FAM199X: variants seen among roughly 807,000 people sequenced by gnomAD.
FAM199X encodes protein FAM199X.
Under a neutral mutation model 22.9 loss-of-function variants are expected in FAM199X, and 4 were observed. The ratio of observed to expected loss-of-function variants is 0.17; its 90% confidence interval spans 0.09 to 0.40. FAM199X has a LOEUF of 0.40. Ranked by LOEUF, FAM199X falls within the 10% of genes least tolerant of loss-of-function variation. FAM199X has a pLI of 1.00. For missense variants in FAM199X, 183 were observed against 306.8 expected (o/e 0.60, Z 3.01); for synonymous variants, 101 against 112.3 (o/e 0.90, Z 0.64).
chrX:104,189,879 G>T lies in FAM199X; in HGVS notation c.*101G>T. 1 of 825,331 alleles carries T rather than the reference G, an allele frequency of 1.2e-6. No homozygotes were observed. Among genetic ancestry groups the T allele is most frequent in the Non-Finnish European group, 1.7e-6 (1 of 582,038 alleles). The allele number at this position is 825,331 out of a possible 1,213,427, so 68.0% of individuals were successfully genotyped here. A position where few individuals can be genotyped will look rare whatever the true frequency, so the allele number is the denominator to read the frequency against. On this transcript the variant is annotated 3_prime_UTR_variant, in exon 6 of 6. Transcript: ENST00000493442. ...AAATTTTGGTTAGGGCTGTGCTGATGTACCATTAATAATTTAAGCCAGTGG... is the reference window on the plus strand; with the variant it reads ...AAATTTTGGTTAGGGCTGTGCTGATTTACCATTAATAATTTAAGCCAGTGG...
chrX:104,169,530 C>T (rs782264467), intron 1 of FAM199X, among the ~76,000 whole-genome samples: 2 of 111,761 alleles, frequency 1.8e-5, no homozygotes, highest in Non-Finnish European at 3.8e-5. Flanking sequence ...ACAGTCACAG[C>T]ACTAACAGTC....
chrX:104,182,538 A>G (rs1186215236), intron 2 of FAM199X, among the ~76,000 whole-genome samples: 1 of 111,268 alleles, frequency 9.0e-6, no homozygotes, highest in Non-Finnish European at 1.9e-5. Context: ...TGAGCTTTCA[A>G]ATCCCTAGCA....
intron 1 of FAM199X, among the ~76,000 whole-genome samples, chrX:104,172,635 A>G (rs1453900306): frequency 2.7e-5 from 3 of 110,728 alleles, no homozygotes; most frequent in African/African-American, 9.9e-5. Flanking sequence ...AGAGCACAAA[A>G]TGAAGCAAAT....
chrX:104,176,576 T>C (rs1437129129), intron 2 of FAM199X, among the ~76,000 whole-genome samples: 3 of 112,552 alleles, frequency 2.7e-5, no homozygotes, highest in Non-Finnish European at 5.6e-5. Context: ...AAAAGAGGGA[T>C]TGAATATTAT....
chrX:104,165,428 T>A (rs1556373516), upstream of FAM199X, among the ~76,000 whole-genome samples: 1 of 111,998 alleles, frequency 8.9e-6, no homozygotes, highest in Non-Finnish European at 1.9e-5. Context: ...TCTTTCATTT[T>A]TCCCCTCCTT....
At chrX:104,171,091 A>G (rs782558458) in intron 1 of FAM199X, among the ~76,000 whole-genome samples, 44 of 111,229 alleles carry the variant, frequency 4.0e-4, no homozygotes, top group Non-Finnish European at 6.6e-4. Flanking sequence ...TATCTTCAGA[A>G]GTGGCAGTCA....
At chrX:104,170,951 CAG>C (rs1281689316) in intron 1 of FAM199X, among the ~76,000 whole-genome samples, 1 of 111,415 alleles carries the variant, frequency 9.0e-6, no homozygotes, top group African/African-American at 3.3e-5. Flanking sequence ...GGGATTCTGG[CAG>C]AGAGTCAGTG....
chrX:104,162,727 A>G (rs899682566), upstream of FAM199X, among the ~76,000 whole-genome samples: 4 of 112,205 alleles, frequency 3.6e-5, no homozygotes, highest in Non-Finnish European at 7.5e-5. Context: ...TCCACGTACA[A>G]AAAGAATGGA....
Position 104,188,242 on chromosome X carries a change from TGAGTC to T in FAM199X, c.936_940del (p.Arg313ThrfsTer3). The T allele has an allele frequency of 8.2e-7, 1 of 1,212,172 alleles. No individual in the cohort carries two copies. The highest frequency in any genetic ancestry group is 1.1e-6 in the Non-Finnish European group (1 of 895,577). On this transcript the variant is annotated frameshift_variant, in exon 5 of 6. Coordinates refer to ENST00000493442, the MANE Select transcript of FAM199X (RefSeq NM_207318.4). LOFTEE classifies it high-confidence loss of function. ...TCTGCTTCAAACTCCAGTGCCAACA[TGAGTC>T]GAGCACACAGTGACAGCAACCTGTC...
At position 104,194,019 on chromosome X, in the gene FAM199X, G is replaced by A. The variant is rs1311687233; in HGVS notation, c.*4241G>A. On this transcript the variant is annotated 3_prime_UTR_variant, in exon 6 of 6. Coordinates refer to ENST00000493442, the MANE Select transcript of FAM199X (RefSeq NM_207318.4). ...AGTAAGGAAGTTGAATGGTACTGCT[G>A]AAGATCTGAGTTGACTCACTGAAAT... 7 of 111,500 alleles carry A rather than the reference G, an allele frequency of 6.3e-5. No homozygotes were observed. Among genetic ancestry groups the A allele is most frequent in the Admixed American group, 2.9e-4 (3 of 10,462 alleles). 9.2% of individuals were successfully genotyped at this position (111,500 alleles called of 1,213,427 possible).
chrX:104,172,696 C>CT lies in FAM199X; in HGVS notation c.198-2913dup, dbSNP rs1351553481. ...ATGGTTAGATTACTAAATATGGCAT[C>CT]TTTTTTTTTTTTTTAAGGAATGTCA... On this transcript the variant is annotated intron_variant, in intron 1 of 5. Transcript: ENST00000493442. 3.3e-3 allele frequency among the ~76,000 whole-genome samples: 322 copies of CT among 98,419 alleles called. 1 individual carries two copies. Among genetic ancestry groups the CT allele is most frequent in the Middle Eastern group, 0.01 (2 of 195 alleles). 85.5% of individuals were successfully genotyped at this position (98,419 alleles called of 115,157 possible).
At chrX:104,178,880 C>T (rs888014712) in intron 2 of FAM199X, among the ~76,000 whole-genome samples, 3 of 111,701 alleles carry the variant, frequency 2.7e-5, no homozygotes. Context: ...GTAATCCCAG[C>T]ACTTTGATAA....
At chrX:104,179,976 C>CT (rs1162038054) in intron 2 of FAM199X, among the ~76,000 whole-genome samples, 1,835 of 86,054 alleles carry the variant, frequency 0.021, 45 homozygotes, top group East Asian at 0.15. Context: ...TGAATTTTTC[C>CT]TTTTTTTTTT....
upstream of FAM199X, among the ~76,000 whole-genome samples, chrX:104,165,457 A>G (rs781819235): frequency 1.5e-4 from 17 of 111,465 alleles, no homozygotes; most frequent in Non-Finnish European, 3.0e-4. Flanking sequence ...TTTAAGTTCT[A>G]TGCTTTCCTG....
intron 1 of FAM199X, among the ~76,000 whole-genome samples, chrX:104,167,418 C>A (rs919423400): frequency 2.7e-5 from 3 of 109,672 alleles, no homozygotes; most frequent in Non-Finnish European, 5.7e-5. Context: ...TGAAAAGTGG[C>A]GTTGAAAGGT....
chrX:104,159,195 CCAA>C, the FAM199X span, among the ~76,000 whole-genome samples: 3 of 111,965 alleles, frequency 2.7e-5, no homozygotes, highest in Non-Finnish European at 5.6e-5. Context: ...GAAAGACGAG[CCAA>C]CAAGAGTGTC....
chrX:104,188,036 C>T lies in FAM199X; in HGVS notation c.730-4C>T. On this transcript the variant is annotated splice_region_variant and splice_polypyrimidine_tract_variant and intron_variant, in intron 4 of 5. Coordinates refer to ENST00000493442, the MANE Select transcript of FAM199X (RefSeq NM_207318.4). ...CTAACCAGTTTGTGTTTGTGCATCC[C>T]AAGGTCAGAAACTATATCAAGGAAC... The T allele has an allele frequency of 1.7e-6, 2 of 1,208,059 alleles. No individual in the cohort carries two copies. The highest frequency in any genetic ancestry group is 2.2e-6 in the Non-Finnish European group (2 of 892,477).
At position 104,194,004 on chromosome X, in the gene FAM199X, T is replaced by G. The variant is rs1356984003; in HGVS notation, c.*4226T>G. On this transcript the variant is annotated 3_prime_UTR_variant, in exon 6 of 6. Transcript: ENST00000493442. ...TAACTGGCCATTAAGAGTAAGGAAG[T>G]TGAATGGTACTGCTGAAGATCTGAG... The G allele has an allele frequency of 9.0e-6, 1 of 111,643 alleles. No homozygotes were observed. The highest frequency in any genetic ancestry group is 3.2e-5 in the African/African-American group (1 of 30,835). The allele number at this position is 111,643 out of a possible 1,213,427, so 9.2% of individuals were successfully genotyped here.
At chrX:104,167,263 C>T (rs1341446140) in intron 1 of FAM199X, among the ~76,000 whole-genome samples, 1 of 105,943 alleles carries the variant, frequency 9.4e-6, no homozygotes, top group Admixed American at 1.0e-4. Context: ...TTCCCTCCCC[C>T]CATCTGTACC....
Sources: gnomAD v4.1 joint callset for allele counts (sites outside exome capture counted in the v4.1 genomes callset) on GRCh38, gnomAD v4.1.1 for gene constraint, MANE v1.5 for transcripts, NCBI Gene and HGNC (gene_info 2026-07-23, HGNC 2026-07-21) for gene names.